LIX1: variants seen among roughly 807,000 people sequenced by gnomAD.
LIX1 encodes protein limb expression 1 homolog.
In LIX1, 24 loss-of-function variants were observed where a neutral mutation model predicts 33.4. That is an observed-to-expected ratio of 0.72 (90% CI 0.52 to 1.01). The LOEUF is 1.01. Ranked by LOEUF, LIX1 falls within the 50% of genes least tolerant of loss-of-function variation. LIX1 has a pLI of 0.00. For missense variants in LIX1, 311 were observed against 339.2 expected, an observed-to-expected ratio of 0.92 and a Z score of 0.65; for synonymous variants, 124 against 124.0, an observed-to-expected ratio of 1.00 and a Z score of 0.00.
Position 97,092,202 on chromosome 5 carries a change from C to T in LIX1, c.*2546G>A, listed in dbSNP as rs1746106682. ...CTCTGGACTTTGGGGGGTCCACATA[C>T]TCTGGAACTGTGTAATGTGAATATG... On this transcript the variant is annotated 3_prime_UTR_variant, in exon 6 of 6. Transcript: ENST00000274382. 1 of 152,330 alleles carries T rather than the reference C, an allele frequency of 6.6e-6. No individual in the cohort carries two copies. Among genetic ancestry groups the T allele is most frequent in the Non-Finnish European group, 1.5e-5 (1 of 68,034 alleles). 9.4% of individuals were successfully genotyped at this position (152,330 alleles called of 1,614,324 possible). A position where few individuals can be genotyped will look rare whatever the true frequency, so the allele number is the denominator to read the frequency against.
At chr5:97,098,456 A>T (rs927186902) in intron 4 of LIX1, among the ~76,000 whole-genome samples, 5 of 152,222 alleles carry the variant, frequency 3.3e-5, no homozygotes, top group Non-Finnish European at 7.3e-5. Flanking sequence ...TTTTGGTCAG[A>T]GATACATCTA....
At chr5:97,110,486 T>C (rs1448726396) in intron 2 of LIX1, among the ~76,000 whole-genome samples, 1 of 152,206 alleles carries the variant, frequency 6.6e-6, no homozygotes, top group African/African-American at 2.4e-5. Context: ...TTGCCCAGGC[T>C]GGAGTGCAAT....
intron 2 of LIX1, among the ~76,000 whole-genome samples, chr5:97,114,364 A>G (rs1207132707): frequency 6.6e-6 from 1 of 152,218 alleles, no homozygotes; most frequent in South Asian, 2.1e-4. Context: ...TAAATAAAAC[A>G]AAAAATAAAC....
intron 4 of LIX1, among the ~76,000 whole-genome samples, chr5:97,103,573 A>C (rs1746832728): frequency 6.6e-6 from 1 of 152,214 alleles, no homozygotes; most frequent in South Asian, 2.1e-4. Context: ...CTGGGCTGAC[A>C]TGTGCCCCAT....
Position 97,091,976 on chromosome 5 carries a change from A to C in LIX1, c.*2772T>G, listed in dbSNP as rs903996306. ...CTTTTTTAAAAACAATAATATGGTA[A>C]ATTTGGATTTTGTGGAACTTAAACT... is the stretch of plus-strand genomic sequence containing the variant. On this transcript the variant is annotated 3_prime_UTR_variant, in exon 6 of 6. Coordinates refer to ENST00000274382, the MANE Select transcript of LIX1 (RefSeq NM_153234.5). 1.3e-5 allele frequency: 2 copies of C among 152,324 alleles called. No homozygotes were observed. The highest frequency in any genetic ancestry group is 2.9e-5 in the Non-Finnish European group (2 of 68,032). The allele number at this position is 152,324 out of a possible 1,614,324, so 9.4% of individuals were successfully genotyped here. A position where few individuals can be genotyped will look rare whatever the true frequency, so the allele number is the denominator to read the frequency against.
At chr5:97,106,390 A>G (rs1451332432) in intron 3 of LIX1, among the ~76,000 whole-genome samples, 3 of 152,228 alleles carry the variant, frequency 2.0e-5, no homozygotes, top group Admixed American at 1.3e-4. Context: ...CCTTTATGTG[A>G]TAAGAAGATT....
intron 1 of LIX1, among the ~76,000 whole-genome samples, chr5:97,134,613 A>G (rs1243948284): frequency 6.6e-6 from 1 of 152,232 alleles, no homozygotes. Flanking sequence ...GAGCAACAGG[A>G]AAAGGAACCC....
At chr5:97,105,369 C>A (rs963090364) in intron 3 of LIX1, 84 bp from the exon 4 acceptor site, 15 of 1,144,348 alleles carry the variant, frequency 1.3e-5, no homozygotes, top group Non-Finnish European at 1.9e-5. Flanking sequence ...TGTGACCACA[C>A]AGTAAGCCTA....
At chr5:97,129,461 T>A (rs1748006719) in intron 1 of LIX1, among the ~76,000 whole-genome samples, 1 of 152,148 alleles carries the variant, frequency 6.6e-6, no homozygotes, top group Non-Finnish European at 1.5e-5. Context: ...AAGTGACCAT[T>A]CCTATCCTCC....
intron 1 of LIX1, 149 bp from the exon 2 acceptor site, chr5:97,124,778 A>G (rs1747876748): frequency 2.1e-6 from 1 of 466,366 alleles, no homozygotes. Context: ...AGGGGCTTTT[A>G]GCTGTGAAAG....
chr5:97,110,689 C>A (rs1208924198), intron 2 of LIX1, among the ~76,000 whole-genome samples: 1 of 152,164 alleles, frequency 6.6e-6, no homozygotes, highest in Admixed American at 6.5e-5. Flanking sequence ...GGTGATCCGC[C>A]CGCCTTGGCC....
intron 2 of LIX1, among the ~76,000 whole-genome samples, chr5:97,117,810 C>A (rs1747673430): frequency 6.6e-6 from 1 of 152,074 alleles, no homozygotes; most frequent in Non-Finnish European, 1.5e-5. Flanking sequence ...CAAATGAATT[C>A]ATTGCCTTTT....
Position 97,094,622 on chromosome 5 carries a change from T to C in LIX1, c.*126A>G. On this transcript the variant is annotated 3_prime_UTR_variant, in exon 6 of 6. Transcript: ENST00000274382. The stretch of plus-strand genomic sequence containing the variant: ...TCTCATACTCTGTAAATGGAATGTG[T>C]GGAGAGGGTTAGGAGAGCCTTCAGG... The C allele has an allele frequency of 1.2e-6, 1 of 809,940 alleles. No homozygotes were observed. The highest frequency in any genetic ancestry group is 1.9e-6 in the Non-Finnish European group (1 of 514,842). 50.2% of individuals were successfully genotyped at this position (809,940 alleles called of 1,614,324 possible).
At chr5:97,120,852 CT>C (rs1747763376) in intron 2 of LIX1, among the ~76,000 whole-genome samples, 1 of 152,080 alleles carries the variant, frequency 6.6e-6, no homozygotes, top group South Asian at 2.1e-4. Flanking sequence ...AAATGCTACG[CT>C]TATATAAGAG....
intron 2 of LIX1, among the ~76,000 whole-genome samples, chr5:97,111,901 A>G (rs989047884): frequency 6.6e-6 from 1 of 152,220 alleles, no homozygotes; most frequent in African/African-American, 2.4e-5. Context: ...GACCTAACCA[A>G]TACCAAGATT....
At chr5:97,115,005 T>C (rs147179258) in intron 2 of LIX1, among the ~76,000 whole-genome samples, 2 of 152,342 alleles carry the variant, frequency 1.3e-5, no homozygotes, top group East Asian at 1.9e-4. Flanking sequence ...TCCTTTATGA[T>C]AGTTCTTCTA....
intron 1 of LIX1, 89 bp from the exon 2 acceptor site, chr5:97,124,718 G>A: frequency 8.9e-7 from 1 of 1,122,652 alleles, no homozygotes; most frequent in Non-Finnish European, 1.3e-6. Context: ...GGATTCTGTA[G>A]CATGACAGTT....
At chr5:97,112,823 G>A (rs911058369) in intron 2 of LIX1, among the ~76,000 whole-genome samples, 2 of 148,666 alleles carry the variant, frequency 1.3e-5, no homozygotes, top group Admixed American at 1.3e-4. Context: ...AAAAAAGAGT[G>A]ACTGTGGCAT....
chr5:97,103,665 G>A (rs1746838304), intron 4 of LIX1, among the ~76,000 whole-genome samples: 1 of 152,150 alleles, frequency 6.6e-6, no homozygotes, highest in Non-Finnish European at 1.5e-5. Flanking sequence ...GCCACTTAAG[G>A]ATAAAACTGG....
Sources: gnomAD v4.1 joint callset for allele counts (sites outside exome capture counted in the v4.1 genomes callset) on GRCh38, gnomAD v4.1.1 for gene constraint, MANE v1.5 for transcripts, NCBI Gene and HGNC (gene_info 2026-07-23, HGNC 2026-07-21) for gene names.